The following CHD2 variants were observed in gnomAD, a reference collection of about 807,000 sequenced individuals.
The protein encoded by CHD2 is ATP-dependent chromatin remodeler CHD2.
Under a neutral mutation model 243.9 loss-of-function variants are expected in CHD2, and 28 were observed. The ratio of observed to expected loss-of-function variants is 0.11; its 90% confidence interval spans 0.09 to 0.16. The LOEUF is 0.16. Ranked by LOEUF, CHD2 falls within the 10% of genes least tolerant of loss-of-function variation. The pLI is 1.00. For synonymous variants in CHD2, 775 were observed against 779.0 expected (o/e 0.99, Z 0.09); for missense variants, 1,386 against 2,209.8 (o/e 0.63, Z 7.47).
rs2141885321 is a variant in CHD2, at chr15:93,012,274, A to G, written c.4593-71A>G. On this transcript the variant is annotated intron_variant, in intron 35 of 38. Coordinates refer to ENST00000394196, the MANE Select transcript of CHD2 (RefSeq NM_001271.4). ...CCACAGCAAAATTTAATAGCTTGCC[A>G]TCCATGAAGATCATAAAAAATTGCT... 1.5e-5 allele frequency: 14 copies of G among 940,262 alleles called. No individual in the cohort carries two copies. The South Asian group carries it at 1.6e-4, about 11-fold the overall frequency. 58.2% of individuals were successfully genotyped at this position (940,262 alleles called of 1,614,324 possible). A position where few individuals can be genotyped will look rare whatever the true frequency, so the allele number is the denominator to read the frequency against.
intron 35 of CHD2, among the ~76,000 whole-genome samples, chr15:93,010,068 T>A (rs2054371269): frequency 6.6e-6 from 1 of 152,246 alleles, no homozygotes; most frequent in African/African-American, 2.4e-5. Context: ...TTTATGCCTT[T>A]GCATCCAATG....
At chr15:92,955,109 TC>T (rs1430467031) in intron 14 of CHD2, among the ~76,000 whole-genome samples, 9 of 152,178 alleles carry the variant, frequency 5.9e-5, no homozygotes, top group Non-Finnish European at 1.0e-4. Context: ...ATCTGGGAGA[TC>T]CCTTGTTGAG....
chr15:92,925,297 C>T (rs548103451), intron 3 of CHD2, among the ~76,000 whole-genome samples: 96 of 152,284 alleles, frequency 6.3e-4, no homozygotes, highest in African/African-American at 2.1e-3. Context: ...CTCTGTCCCC[C>T]TCCAAAAGCT....
At chr15:92,930,547 GC>G (rs2053147738) in intron 5 of CHD2, among the ~76,000 whole-genome samples, 1 of 151,972 alleles carries the variant, frequency 6.6e-6, no homozygotes, top group Non-Finnish European at 1.5e-5. Context: ...ACCCACCTAA[GC>G]CACTCGAGTA....
chr15:92,924,048 C>G (rs767573096), intron 2 of CHD2, among the ~76,000 whole-genome samples: 3 of 152,166 alleles, frequency 2.0e-5, no homozygotes, highest in Non-Finnish European at 2.9e-5. Flanking sequence ...ACAGTAATAT[C>G]CATGTTCAGA....
chr15:92,967,194 C>A, intron 16 of CHD2, 131 bp from the exon 17 acceptor site: 1 of 564,208 alleles, frequency 1.8e-6, no homozygotes, highest in South Asian at 3.1e-5. Context: ...TTTTTGTTTT[C>A]CCTTCTATTT....
intron 16 of CHD2, among the ~76,000 whole-genome samples, chr15:92,960,061 G>A (rs958344616): frequency 2.0e-5 from 3 of 151,964 alleles, no homozygotes; most frequent in Non-Finnish European, 4.4e-5. Flanking sequence ...AGTGTTTAGT[G>A]GTTTTTAGTT....
intron 20 of CHD2, chr15:92,978,022 C>T (rs992883634): frequency 1.2e-5 from 7 of 565,288 alleles, no homozygotes; most frequent in Non-Finnish European, 1.6e-5. Flanking sequence ...GTCTACTCTA[C>T]TCCTGTTCAT....
At chr15:92,946,273 T>C (rs568507426) in intron 12 of CHD2, 57 bp downstream of exon 12, 4 of 1,400,542 alleles carry the variant, frequency 2.9e-6, no homozygotes, top group Non-Finnish European at 2.9e-6. Context: ...ATAAAGAGGA[T>C]TGGACACATA....
At chr15:92,919,253 A>G (rs1302936525) in intron 2 of CHD2, among the ~76,000 whole-genome samples, 1 of 149,806 alleles carries the variant, frequency 6.7e-6, no homozygotes, top group Non-Finnish European at 1.5e-5. Flanking sequence ...CAGTTTATTT[A>G]GTGATTATTC....
intron 32 of CHD2, 104 bp from the exon 33 acceptor site, chr15:93,002,071 GTA>G (rs2054263913): frequency 1.4e-6 from 2 of 1,437,484 alleles, no homozygotes; most frequent in Admixed American, 4.9e-5. Flanking sequence ...AAGCTTCTAA[GTA>G]TAGACAGTGA....
At chr15:92,959,483 C>T (rs886479985) in intron 16 of CHD2, among the ~76,000 whole-genome samples, 2 of 151,948 alleles carry the variant, frequency 1.3e-5, no homozygotes, top group African/African-American at 4.8e-5. Flanking sequence ...TAGCTTTCGA[C>T]TGTTTTTTTA....
intron 2 of CHD2, among the ~76,000 whole-genome samples, chr15:92,910,936 C>A (rs1397380912): frequency 6.6e-6 from 1 of 152,128 alleles, no homozygotes; most frequent in Non-Finnish European, 1.5e-5. Flanking sequence ...TCCTAGGCCA[C>A]AACTGTATAG....
chr15:92,943,641 A>C (rs1359654723), intron 9 of CHD2: 1 of 157,490 alleles, frequency 6.3e-6, no homozygotes, highest in Non-Finnish European at 1.4e-5. Flanking sequence ...TACAGCCTTG[A>C]ATGTCTGGGT....
intron 9 of CHD2, 127 bp downstream of exon 9, chr15:92,943,195 G>A (rs2053409687): frequency 1.4e-6 from 1 of 690,312 alleles, no homozygotes; most frequent in African/African-American, 1.8e-5. Flanking sequence ...TAAACATGGA[G>A]CCATTTACAA....
At chr15:92,928,111 T>C (rs1395174333) in intron 4 of CHD2, among the ~76,000 whole-genome samples, 1 of 152,222 alleles carries the variant, frequency 6.6e-6, no homozygotes, top group Non-Finnish European at 1.5e-5. Context: ...TAAATATTGA[T>C]AGCCACAGGT....
At chr15:92,929,736 G>T (rs757914305) in intron 5 of CHD2, among the ~76,000 whole-genome samples, 5 of 151,602 alleles carry the variant, frequency 3.3e-5, no homozygotes, top group Non-Finnish European at 7.4e-5. Flanking sequence ...GAATTCTATA[G>T]CTTCTCTCAA....
chr15:92,962,820 A>G (rs993977444), intron 16 of CHD2, among the ~76,000 whole-genome samples: 4 of 152,152 alleles, frequency 2.6e-5, no homozygotes, highest in Admixed American at 6.5e-5. Context: ...TCTGTTAGGT[A>G]TGTATCCATT....
At chr15:92,938,021 A>G (rs1421937040) in intron 6 of CHD2, among the ~76,000 whole-genome samples, 2 of 152,230 alleles carry the variant, frequency 1.3e-5, no homozygotes, top group East Asian at 1.9e-4. Flanking sequence ...AGGCTGAAAT[A>G]GCAGCAAATT....
Sources: allele counts gnomAD v4.1 joint callset (sites outside exome capture counted in the v4.1 genomes callset), GRCh38; gene constraint gnomAD v4.1.1; transcripts MANE v1.5; gene names NCBI Gene and HGNC (gene_info 2026-07-23, HGNC 2026-07-21).